The following PIP4K2A variants were observed in gnomAD, a reference collection of about 807,000 sequenced individuals.
PIP4K2A encodes phosphatidylinositol-5-phosphate 4-kinase type 2 alpha.
Under a neutral mutation model 42.9 loss-of-function variants are expected in PIP4K2A, and 14 were observed. The observed-to-expected ratio is 0.33, with a 90% CI of 0.22 to 0.51. The LOEUF (loss-of-function observed/expected upper bound fraction) is 0.51. Among genes scored for constraint, PIP4K2A ranks in the 20% least tolerant of loss-of-function variants. PIP4K2A has a pLI of 0.97. For synonymous variants in PIP4K2A, 192 were observed against 192.2 expected (o/e 1.00, Z 0.01); for missense variants, 434 against 519.8 (o/e 0.83, Z 1.61).
In PIP4K2A at chr10:22,536,113, T is replaced by G; in HGVS notation, c.*1088A>C. The G allele has an allele frequency of 2.5e-6, 1 of 398,558 alleles. No homozygotes were observed. The allele number at this position is 398,558 out of a possible 1,614,324, so 24.7% of individuals were successfully genotyped here. A position where few individuals can be genotyped will look rare whatever the true frequency, so the allele number is the denominator to read the frequency against. On this transcript the variant is annotated 3_prime_UTR_variant, in exon 10 of 10. Coordinates refer to ENST00000376573, the MANE Select transcript of PIP4K2A (RefSeq NM_005028.5). Reference sequence around the variant, plus strand: ...TTCCTAATAATGTAAACAGTAAAACTGAGGGTTTCAGTTAAAGGGATAATT... The same window carrying G: ...TTCCTAATAATGTAAACAGTAAAACGGAGGGTTTCAGTTAAAGGGATAATT...
intron 4 of PIP4K2A, among the ~76,000 whole-genome samples, chr10:22,580,296 T>C (rs1448382694): frequency 6.6e-6 from 1 of 152,046 alleles, no homozygotes; most frequent in African/African-American, 2.4e-5. Flanking sequence ...CACATTTTTC[T>C]TCAAAACTTA....
chr10:22,672,671 T>C (rs773690684), intron 1 of PIP4K2A, among the ~76,000 whole-genome samples: 1 of 152,040 alleles, frequency 6.6e-6, no homozygotes, highest in Non-Finnish European at 1.5e-5. Context: ...CAGAAGGGCC[T>C]ATTAAGAAGG....
intron 1 of PIP4K2A, among the ~76,000 whole-genome samples, chr10:22,670,066 C>T (rs905969798): frequency 6.6e-6 from 1 of 152,142 alleles, no homozygotes; most frequent in Non-Finnish European, 1.5e-5. Flanking sequence ...ATGTAATTTA[C>T]AACTCATTCT....
chr10:22,667,812 C>G (rs1839376402), intron 1 of PIP4K2A, among the ~76,000 whole-genome samples: 1 of 151,092 alleles, frequency 6.6e-6, no homozygotes, highest in Non-Finnish European at 1.5e-5. Context: ...ATAATACTTT[C>G]ATGATTGAAA....
intron 1 of PIP4K2A, among the ~76,000 whole-genome samples, chr10:22,642,960 T>C (rs1008049254): frequency 1.3e-5 from 2 of 152,190 alleles, no homozygotes; most frequent in African/African-American, 4.8e-5. Context: ...GCTGTGGAGA[T>C]GAGGAGAAGC....
chr10:22,649,759 T>C (rs573565819), intron 1 of PIP4K2A, among the ~76,000 whole-genome samples: 2 of 152,270 alleles, frequency 1.3e-5, no homozygotes, highest in Admixed American at 1.3e-4. Context: ...GGGATGGCCA[T>C]ACCCACATCA....
intron 3 of PIP4K2A, among the ~76,000 whole-genome samples, chr10:22,595,327 A>T (rs1451044147): frequency 2.0e-5 from 3 of 152,248 alleles, no homozygotes. Flanking sequence ...CTAACCAAAA[A>T]GGGCGATTTA....
At chr10:22,661,519 C>G (rs1254956368) in intron 1 of PIP4K2A, among the ~76,000 whole-genome samples, 1 of 151,900 alleles carries the variant, frequency 6.6e-6, no homozygotes, top group Non-Finnish European at 1.5e-5. Context: ...CTGTGCCAGG[C>G]TAAGTTTTAA....
At chr10:22,598,314 T>C (rs1837678198) in intron 3 of PIP4K2A, among the ~76,000 whole-genome samples, 2 of 152,264 alleles carry the variant, frequency 1.3e-5, no homozygotes, top group South Asian at 2.1e-4. Flanking sequence ...GCCATGATTG[T>C]ACCACTGCAC....
At chr10:22,672,316 T>G (rs1414715152) in intron 1 of PIP4K2A, among the ~76,000 whole-genome samples, 2 of 152,094 alleles carry the variant, frequency 1.3e-5, no homozygotes, top group Non-Finnish European at 2.9e-5. Flanking sequence ...CGGATGAGAT[T>G]AAAAAACAGA....
intron 1 of PIP4K2A, among the ~76,000 whole-genome samples, chr10:22,680,271 T>C (rs1283377285): frequency 6.6e-6 from 1 of 152,164 alleles, no homozygotes; most frequent in Admixed American, 6.5e-5. Context: ...TACAAAACTA[T>C]AAATAAATTT....
rs1050470357 is a variant in PIP4K2A, at chr10:22,627,630, A to G, written c.145-17913T>C. Among the ~76,000 whole-genome samples the G allele has an allele frequency of 3.7e-3, 435 of 118,132 alleles. 1 individual carries two copies. The highest frequency in any genetic ancestry group is 5.5e-3 in the Non-Finnish European group (305 of 55,146). The allele number at this position is 118,132 out of a possible 152,430, so 77.5% of individuals were successfully genotyped here. ...AAAAAAAAAAAAAAAAAAAAAAAAA[A>G]AGATAAGGAAAGCCACTGGCTGTGG... On this transcript the variant is annotated intron_variant, in intron 1 of 9. Transcript: ENST00000376573.
chr10:22,594,562 A>C (rs1249542751), intron 3 of PIP4K2A, among the ~76,000 whole-genome samples: 1 of 151,990 alleles, frequency 6.6e-6, no homozygotes, highest in Admixed American at 6.6e-5. Flanking sequence ...TGCCCAGCTA[A>C]TTTTTTTATT....
intron 1 of PIP4K2A, among the ~76,000 whole-genome samples, chr10:22,661,028 G>A (rs1217562982): frequency 6.6e-6 from 1 of 152,190 alleles, no homozygotes; most frequent in Non-Finnish European, 1.5e-5. Context: ...TGGGGACAGG[G>A]AGTTATACAG....
At chr10:22,644,766 A>G (rs1386898613) in intron 1 of PIP4K2A, among the ~76,000 whole-genome samples, 1 of 152,128 alleles carries the variant, frequency 6.6e-6, no homozygotes, top group Non-Finnish European at 1.5e-5. Context: ...TTTTTTCCCT[A>G]GTGTGTATCT....
intron 1 of PIP4K2A, among the ~76,000 whole-genome samples, chr10:22,652,977 T>A (rs934894084): frequency 6.6e-6 from 1 of 152,114 alleles, no homozygotes; most frequent in Non-Finnish European, 1.5e-5. Context: ...ACCTTCAGTC[T>A]GAGCTGCTCA....
chr10:22,544,794 C>T (rs770551669), intron 7 of PIP4K2A, among the ~76,000 whole-genome samples: 16 of 152,202 alleles, frequency 1.1e-4, no homozygotes, highest in Non-Finnish European at 1.8e-4. Context: ...TGGCCCCATC[C>T]ACTTCTGGGG....
intron 1 of PIP4K2A, among the ~76,000 whole-genome samples, chr10:22,709,287 T>C (rs185210311): frequency 7.2e-4 from 109 of 152,304 alleles, no homozygotes; most frequent in African/African-American, 2.3e-3. Context: ...CAGTATCTCA[T>C]TTAACTCTCA....
chr10:22,710,544 C>G lies in PIP4K2A; in HGVS notation c.144+3639G>C, dbSNP rs184817483. Among the ~76,000 whole-genome samples, 76 of 152,308 alleles carry G rather than the reference C, an allele frequency of 5.0e-4. No homozygotes were observed. In the East Asian group the frequency reaches 0.011, roughly 22 times the overall value. ...ATACAGGAACCGTTCATTCCCTGCT[C>G]TGTGGAGGAACCAGCCAGCTATGAA... On this transcript the variant is annotated intron_variant, in intron 1 of 9. Coordinates refer to ENST00000376573, the MANE Select transcript of PIP4K2A (RefSeq NM_005028.5).
Sources: gnomAD v4.1 joint callset for allele counts (sites outside exome capture counted in the v4.1 genomes callset) on GRCh38, gnomAD v4.1.1 for gene constraint, MANE v1.5 for transcripts, NCBI Gene and HGNC (gene_info 2026-07-23, HGNC 2026-07-21) for gene names.